PSD3: variants seen among roughly 807,000 people sequenced by gnomAD.
PSD3 encodes pleckstrin and Sec7 domain containing 3, also known as PH and SEC7 domain-containing protein 3.
In PSD3, 49 loss-of-function variants were observed where a neutral mutation model predicts 105.5. The ratio of observed to expected loss-of-function variants is 0.46; its 90% CI spans 0.37 to 0.59. The LOEUF (loss-of-function observed/expected upper bound fraction) is 0.59. Ranked by LOEUF, PSD3 falls within the 20% of genes least tolerant of loss-of-function variation. The probability of loss-of-function intolerance (pLI) is 0.00; values close to 1 mark genes in which losing one functional copy is unlikely to be tolerated. For missense variants in PSD3, 1,561 were observed against 1,263.8 expected, an observed-to-expected ratio of 1.24 and a Z score of -3.57; for synonymous variants, 557 against 457.8, an observed-to-expected ratio of 1.22 and a Z score of -2.77.
intron 10 of PSD3, among the ~76,000 whole-genome samples, chr8:18,650,554 G>T (rs1808398871): frequency 1.3e-5 from 2 of 152,180 alleles, no homozygotes; most frequent in South Asian, 4.1e-4. Flanking sequence ...CTTCATTACA[G>T]TTTTTGTATT....
chr8:18,696,893 T>C (rs1289258444), intron 9 of PSD3, among the ~76,000 whole-genome samples: 1 of 152,068 alleles, frequency 6.6e-6, no homozygotes, highest in Non-Finnish European at 1.5e-5. Flanking sequence ...AGAAAACAAG[T>C]AAAATTAACT....
At chr8:18,852,616 C>A (rs995668556) in intron 4 of PSD3, among the ~76,000 whole-genome samples, 29 of 152,288 alleles carry the variant, frequency 1.9e-4, no homozygotes, top group African/African-American at 6.7e-4. Flanking sequence ...TTTCCTCTCC[C>A]AGCCCCCGTT....
Position 18,593,125 on chromosome 8 carries a change from G to C in PSD3, c.2481+7239C>G, listed in dbSNP as rs534359658. Among the ~76,000 whole-genome samples the C allele has an allele frequency of 1.8e-3, 279 of 152,184 alleles. 2 individuals are homozygous for C. Among genetic ancestry groups the C allele is most frequent in the African/African-American group, 5.8e-3 (241 of 41,514 alleles). On this transcript the variant is annotated intron_variant, in intron 12 of 15. Transcript: ENST00000327040. ...AATAAAAGCCAAAATTGACAAATGG[G>C]ATCTAATTAAACTAAAGAGCTTCTG...
At chr8:18,596,174 A>G (rs922602800) in intron 12 of PSD3, among the ~76,000 whole-genome samples, 1 of 151,218 alleles carries the variant, frequency 6.6e-6, no homozygotes, top group African/African-American at 2.4e-5. Context: ...AAAAAAAATC[A>G]AAAAGGAAAT....
chr8:18,964,127 G>C (rs1327138486), intron 1 of PSD3, among the ~76,000 whole-genome samples: 1 of 151,464 alleles, frequency 6.6e-6, no homozygotes, highest in Non-Finnish European at 1.5e-5. Context: ...GGTTTTTTTT[G>C]TTTGTTTGTT....
chr8:18,683,080 G>A (rs950448906), intron 9 of PSD3, among the ~76,000 whole-genome samples: 6 of 152,184 alleles, frequency 3.9e-5, no homozygotes, highest in African/African-American at 1.2e-4. Context: ...AGAATATGTT[G>A]CATGTAGTAA....
chr8:18,702,602 G>A (rs1801649472), intron 9 of PSD3, among the ~76,000 whole-genome samples: 2 of 151,722 alleles, frequency 1.3e-5, no homozygotes, highest in Non-Finnish European at 2.9e-5. Context: ...CTAGCTATAG[G>A]TACTCTTTCT....
At chr8:18,714,119 CA>C (rs1229308885) in intron 9 of PSD3, among the ~76,000 whole-genome samples, 1 of 152,040 alleles carries the variant, frequency 6.6e-6, no homozygotes, top group East Asian at 1.9e-4. Flanking sequence ...ATACCTTATA[CA>C]AAAATTAACT....
At chr8:19,011,849 C>A (rs1267743345) in intron 1 of PSD3, among the ~76,000 whole-genome samples, 1 of 151,956 alleles carries the variant, frequency 6.6e-6, no homozygotes, top group African/African-American at 2.4e-5. Context: ...GCTCTAATCA[C>A]TCTCCCACAT....
intron 9 of PSD3, among the ~76,000 whole-genome samples, chr8:18,749,754 T>C (rs1159553930): frequency 1.3e-5 from 2 of 152,050 alleles, no homozygotes; most frequent in Admixed American, 1.3e-4. Context: ...ACTTGGGCCA[T>C]CTCTGCTAGC....
intron 4 of PSD3, among the ~76,000 whole-genome samples, chr8:18,829,701 A>G (rs1813523381): frequency 6.6e-6 from 1 of 152,146 alleles, no homozygotes; most frequent in South Asian, 2.1e-4. Context: ...CTCGACTGAC[A>G]TGACTTCACA....
chr8:18,737,799 A>G (rs1212040089), intron 9 of PSD3, among the ~76,000 whole-genome samples: 1 of 152,126 alleles, frequency 6.6e-6, no homozygotes, highest in Non-Finnish European at 1.5e-5. Flanking sequence ...TCAGTAGAAA[A>G]TATACACAAA....
At chr8:19,024,306 T>A (rs1379329166) in intron 1 of PSD3, among the ~76,000 whole-genome samples, 1 of 152,164 alleles carries the variant, frequency 6.6e-6, no homozygotes, top group Non-Finnish European at 1.5e-5. Context: ...GTTTTTAGAT[T>A]GTAAAAGTAC....
intron 4 of PSD3, among the ~76,000 whole-genome samples, chr8:18,825,037 AT>A (rs1376999655): frequency 6.6e-6 from 1 of 152,216 alleles, no homozygotes; most frequent in East Asian, 1.9e-4. Flanking sequence ...TCTCAGATTT[AT>A]TTGACTATGA....
chr8:18,572,757 A>C, intron 13 of PSD3, 85 bp from the exon 14 acceptor site: 1 of 1,457,336 alleles, frequency 6.9e-7, no homozygotes, highest in Non-Finnish European at 9.4e-7. Context: ...ACTGATTTGC[A>C]ATGGCATGTG....
chr8:18,810,354 G>A (rs774303373), intron 4 of PSD3, among the ~76,000 whole-genome samples: 1 of 152,108 alleles, frequency 6.6e-6, no homozygotes, highest in Non-Finnish European at 1.5e-5. Context: ...ATAATGGTAT[G>A]TGGCACTAAT....
chr8:18,896,668 C>G lies in PSD3; in HGVS notation c.131-23935G>C, dbSNP rs371721157. 2.0e-3 allele frequency among the ~76,000 whole-genome samples: 305 copies of G among 152,244 alleles called. 3 individuals are homozygous for G. Among genetic ancestry groups the G allele is most frequent in the African/African-American group, 7.0e-3 (290 of 41,534 alleles). On this transcript the variant is annotated intron_variant, in intron 2 of 15. Transcript: ENST00000327040. ...GCTCAAGCCATCTGCCCACCTCGGC[C>G]TCCCAAAGTGTTGGAATTACAGGCG...
chr8:18,759,078 T>TCACACACACACACACA lies in PSD3; in HGVS notation c.2172+6370_2172+6371insTGTGTGTGTGTGTGTG, dbSNP rs199628183. On this transcript the variant is annotated intron_variant, in intron 9 of 15. Coordinates refer to ENST00000327040, the MANE Select transcript of PSD3 (RefSeq NM_015310.4). ...ACATCCTTTCAATTTAACCCATTCT[T>TCACACACACACACACA]CACACACACACACACTCTCTCTCTC... 6.1e-5 allele frequency among the ~76,000 whole-genome samples: 9 copies of TCACACACACACACACA among 148,548 alleles called. No homozygotes were observed. The South Asian group carries it at 6.3e-4, about 10-fold the overall frequency.
intron 2 of PSD3, among the ~76,000 whole-genome samples, chr8:18,874,957 C>T (rs1319358830): frequency 6.6e-6 from 1 of 152,142 alleles, no homozygotes; most frequent in African/African-American, 2.4e-5. Flanking sequence ...ACTCTATCAT[C>T]CAGACTGGAG....
Sources: gnomAD v4.1 joint callset for allele counts (sites outside exome capture counted in the v4.1 genomes callset) on GRCh38, gnomAD v4.1.1 for gene constraint, MANE v1.5 for transcripts, NCBI Gene and HGNC (gene_info 2026-07-23, HGNC 2026-07-21) for gene names.